The following BCAS3 variants were observed in gnomAD, a reference collection of about 807,000 sequenced individuals.
BCAS3 encodes BCAS4/BCAS3 fusion.
Under a neutral mutation model 116.1 loss-of-function variants are expected in BCAS3, and 53 were observed. The observed-to-expected ratio is 0.46, with a 90% confidence interval of 0.37 to 0.57. The LOEUF is 0.57. Ranked by LOEUF, BCAS3 falls within the 20% of genes least tolerant of loss-of-function variation. BCAS3 has a pLI of 0.00. For missense variants in BCAS3, 917 were observed against 1,165.4 expected (o/e 0.79, Z 3.10); for synonymous variants, 391 against 408.2 (o/e 0.96, Z 0.51).
chr17:60,824,916 A>G (rs1443957150), intron 7 of BCAS3, among the ~76,000 whole-genome samples: 1 of 152,240 alleles, frequency 6.6e-6, no homozygotes, highest in African/African-American at 2.4e-5. Context: ...CCATAATCCC[A>G]ATACTTTGGG....
At chr17:60,779,243 C>T (rs1555710655) in intron 6 of BCAS3, among the ~76,000 whole-genome samples, 1 of 151,996 alleles carries the variant, frequency 6.6e-6, no homozygotes, top group Non-Finnish European at 1.5e-5. Flanking sequence ...GACATGATGC[C>T]ACAAGTGGAA....
At chr17:61,267,697 G>A (rs958323063) in intron 22 of BCAS3, among the ~76,000 whole-genome samples, 2 of 149,622 alleles carry the variant, frequency 1.3e-5, no homozygotes, top group African/African-American at 4.9e-5. Flanking sequence ...ACTCCAGCCT[G>A]GGCGACAGAG....
chr17:61,359,500 GT>G (rs71150609), intron 22 of BCAS3, among the ~76,000 whole-genome samples: 8 of 143,016 alleles, frequency 5.6e-5, no homozygotes, highest in Non-Finnish European at 9.1e-5. Flanking sequence ...TCAAGGTTTT[GT>G]TTTTTTTTTT....
chr17:60,781,883 T>C (rs1166817430), intron 6 of BCAS3, among the ~76,000 whole-genome samples: 1 of 152,304 alleles, frequency 6.6e-6, no homozygotes, highest in Non-Finnish European at 1.5e-5. Context: ...TTACCAAGCT[T>C]TCTGGTTCTT....
chr17:61,329,097 T>A (rs1602720289), intron 22 of BCAS3, among the ~76,000 whole-genome samples: 1 of 151,124 alleles, frequency 6.6e-6, no homozygotes, highest in East Asian at 2.0e-4. Context: ...GGTTTCACCA[T>A]GTTGGCCAGG....
intron 4 of BCAS3, among the ~76,000 whole-genome samples, chr17:60,691,672 C>T (rs1730069073): frequency 6.8e-6 from 1 of 148,062 alleles, no homozygotes; most frequent in African/African-American, 2.5e-5. Flanking sequence ...ATATTTTCTC[C>T]TATCCTGTGA....
intron 13 of BCAS3, among the ~76,000 whole-genome samples, chr17:60,932,077 A>C (rs935014556): frequency 6.6e-6 from 1 of 152,164 alleles, no homozygotes; most frequent in East Asian, 1.9e-4. Flanking sequence ...TGTCTAAAAA[A>C]AAATAAAAAA....
chr17:61,193,981 G>T (rs1286404397), intron 22 of BCAS3, among the ~76,000 whole-genome samples: 1 of 151,538 alleles, frequency 6.6e-6, no homozygotes, highest in Non-Finnish European at 1.5e-5. Context: ...GCCGGGCCTG[G>T]TGGTGGGCAC....
chr17:61,178,532 A>T (rs1412331018), intron 22 of BCAS3, among the ~76,000 whole-genome samples: 1 of 152,178 alleles, frequency 6.6e-6, no homozygotes, highest in Admixed American at 6.5e-5. Flanking sequence ...GCTGGTGTTT[A>T]GTGATTAGGG....
chr17:61,284,589 T>C (rs1307501393), intron 22 of BCAS3, among the ~76,000 whole-genome samples: 1 of 151,554 alleles, frequency 6.6e-6, no homozygotes, highest in Admixed American at 6.6e-5. Flanking sequence ...GAAGACTTGT[T>C]CACCTCCGAT....
In BCAS3 at chr17:61,278,530, G is replaced by C. The variant is rs556216431; in HGVS notation, c.2426-89797G>C. 3.0e-4 allele frequency among the ~76,000 whole-genome samples: 45 copies of C among 152,198 alleles called. No homozygotes were observed. Among genetic ancestry groups the C allele is most frequent in the Non-Finnish European group, 4.9e-4 (33 of 68,034 alleles). ...GGAATTGAATGCAGGAACAGGAACA[G>C]ATGCTTCTGCGTTCCTTGTGGCATT... On this transcript the variant is annotated intron_variant, in intron 22 of 23. Transcript: ENST00000407086. This position sits in a 1 kb window ranked among gnomAD's most constrained non-coding sequence, Gnocchi z 5.8.
intron 5 of BCAS3, among the ~76,000 whole-genome samples, chr17:60,737,362 C>T (rs908738885): frequency 6.6e-6 from 1 of 152,124 alleles, no homozygotes; most frequent in Admixed American, 6.5e-5. Context: ...CATTGATCTT[C>T]TCTATTGATT....
Position 60,747,225 on chromosome 17 carries a change from T to C in BCAS3, c.349T>C (p.Ser117Pro). The change falls in exon 6 of 24, where the codon TCT (serine) becomes CCT (proline). Residue 117 changes from serine (S) to proline (P), a missense_variant. Ser to Pro is a moderately conservative substitution (Grantham distance 74, BLOSUM62 -1). Coordinates refer to ENST00000407086, the MANE Select transcript of BCAS3 (RefSeq NM_017679.5). ...CAGTGGTGAAGCACAAGAGCTCTTC[T>C]CTGTTCGACATGGCCCAATTCGAGC... ...PISGEAQELFSVRHGPIRAAR... is the reference protein window; with the variant it reads ...PISGEAQELFPVRHGPIRAAR... 1 of 1,613,366 alleles carries C rather than the reference T, an allele frequency of 6.2e-7. No homozygotes were observed. The highest frequency in any genetic ancestry group is 8.5e-7 in the Non-Finnish European group (1 of 1,179,372).
rs1245967396 is a variant in BCAS3 at position 61,171,802 on chromosome 17, T to A, written c.2425+87238T>A. Among the ~76,000 whole-genome samples, 2 of 151,896 alleles carry A rather than the reference T, an allele frequency of 1.3e-5. No individual in the cohort carries two copies. Among genetic ancestry groups the A allele is most frequent in the East Asian group, 3.9e-4 (2 of 5,168 alleles). Reference sequence around the variant, plus strand: ...TGCCCTGCTAATTAAAAAAAAATTTTTTTTTTTTTTTGTAGAAATGGAGTC... The same window carrying A: ...TGCCCTGCTAATTAAAAAAAAATTTATTTTTTTTTTTGTAGAAATGGAGTC... On this transcript the variant is annotated intron_variant, in intron 22 of 23. Coordinates refer to ENST00000407086, the MANE Select transcript of BCAS3 (RefSeq NM_017679.5). The surrounding 1 kb of genome is among the most constrained non-coding windows in gnomAD (Gnocchi z 4.1).
chr17:61,304,056 A>G (rs953487148), intron 22 of BCAS3, among the ~76,000 whole-genome samples: 1 of 152,166 alleles, frequency 6.6e-6, no homozygotes, highest in South Asian at 2.1e-4. Context: ...TCATCCTTAC[A>G]CTGTCTCCTT....
intron 22 of BCAS3, among the ~76,000 whole-genome samples, chr17:61,334,618 C>T (rs1410152516): frequency 1.4e-5 from 2 of 140,284 alleles, no homozygotes; most frequent in East Asian, 2.1e-4. Context: ...GAGCTGAGAT[C>T]GCACCATTGC....
At position 60,843,264 on chromosome 17, in the gene BCAS3, T is replaced by G. The variant is rs1031998529; in HGVS notation, c.477-25312T>G. Among the ~76,000 whole-genome samples, 4 of 151,472 alleles carry G rather than the reference T, an allele frequency of 2.6e-5. No individual in the cohort carries two copies. In the South Asian group the frequency reaches 6.3e-4, roughly 24 times the overall value. On this transcript the variant is annotated intron_variant, in intron 7 of 23. Coordinates refer to ENST00000407086, the MANE Select transcript of BCAS3 (RefSeq NM_017679.5). ...CAGAGGCTTGCTCTGTCACCCAGGC[T>G]GGAGTGCAGTGGCACGATCTCGGCT...
intron 5 of BCAS3, among the ~76,000 whole-genome samples, chr17:60,718,328 G>A (rs2038872585): frequency 6.6e-6 from 1 of 151,470 alleles, no homozygotes; most frequent in Non-Finnish European, 1.5e-5. Flanking sequence ...ACTGTACTTT[G>A]TCTCACATCC....
intron 22 of BCAS3, among the ~76,000 whole-genome samples, chr17:61,311,349 C>T (rs183609091): frequency 6.6e-6 from 1 of 152,260 alleles, no homozygotes; most frequent in African/African-American, 2.4e-5. Context: ...CCTCATCAGA[C>T]ATTGGGGATT....
Sources: allele counts gnomAD v4.1 joint callset (sites outside exome capture counted in the v4.1 genomes callset), GRCh38; gene constraint gnomAD v4.1.1; non-coding constraint Gnocchi (gnomAD v3.1); transcripts MANE v1.5; gene names NCBI Gene and HGNC (gene_info 2026-07-23, HGNC 2026-07-21).